ZNF407: variants seen among roughly 807,000 people sequenced by gnomAD.
ZNF407 encodes zinc finger protein 407.
In ZNF407, 17 loss-of-function variants were observed where a neutral mutation model predicts 131.2. The observed-to-expected ratio is 0.13, with a 90% CI of 0.09 to 0.19. The LOEUF is 0.19. Among genes scored for constraint, ZNF407 ranks in the 10% least tolerant of loss-of-function variants. ZNF407 has a pLI of 1.00. For missense variants in ZNF407, 2,681 were observed against 2,830.6 expected, an observed-to-expected ratio of 0.95 and a Z score of 1.20; for synonymous variants, 1,156 against 1,062.0, an observed-to-expected ratio of 1.09 and a Z score of -1.72.
intron 3 of ZNF407, among the ~76,000 whole-genome samples, chr18:74,777,954 T>A (rs768438266): frequency 8.5e-5 from 13 of 152,102 alleles, no homozygotes; most frequent in Non-Finnish European, 1.8e-4. Flanking sequence ...CAGTGGCGCA[T>A]GGCTTCAGTC....
intron 3 of ZNF407, among the ~76,000 whole-genome samples, chr18:74,662,115 G>A (rs1985741808): frequency 6.6e-6 from 1 of 151,794 alleles, no homozygotes; most frequent in African/African-American, 2.4e-5. Context: ...ATTTTTGTGA[G>A]GTATATTTAT....
chr18:75,044,500 T>C (rs997204462), intron 8 of ZNF407, among the ~76,000 whole-genome samples: 2 of 152,138 alleles, frequency 1.3e-5, no homozygotes, highest in African/African-American at 4.8e-5. Context: ...CGTACTGATG[T>C]AGTGTTTGCT....
intron 7 of ZNF407, among the ~76,000 whole-genome samples, chr18:74,908,834 G>A (rs946068256): frequency 8.6e-5 from 13 of 151,914 alleles, no homozygotes; most frequent in South Asian, 2.1e-4. Flanking sequence ...CAACATATAT[G>A]GAGGCTTATA....
intron 4 of ZNF407, among the ~76,000 whole-genome samples, chr18:74,842,617 TGTG>T: frequency 6.6e-6 from 1 of 152,204 alleles, no homozygotes; most frequent in East Asian, 1.9e-4. Context: ...TGTGTGTGTG[TGTG>T]TGTGAGATTC....
At position 75,048,476 on chromosome 18, in the gene ZNF407, T is replaced by C. The variant is rs2122257335; in HGVS notation, c.5429-14674T>C. On this transcript the variant is annotated intron_variant, in intron 8 of 8. Transcript: ENST00000299687. This position sits in a 1 kb window ranked among gnomAD's most constrained non-coding sequence, Gnocchi z 4.1. ...GCCTCCCACGCAGCACCCAGGTGAC[T>C]TCAACCCTCAGGTGTTTGGGACTAC... Among the ~76,000 whole-genome samples, 1 of 152,292 alleles carries C rather than the reference T, an allele frequency of 6.6e-6. No individual in the cohort carries two copies. The highest frequency in any genetic ancestry group is 1.9e-4 in the East Asian group (1 of 5,174).
intron 3 of ZNF407, among the ~76,000 whole-genome samples, chr18:74,755,765 CTTTCTT>C (rs1365829865): frequency 3.3e-5 from 4 of 119,568 alleles, no homozygotes; most frequent in African/African-American, 1.2e-4. Context: ...TTCTTTCTTT[CTTTCTT>C]TCTCTCTCTC....
At chr18:74,676,688 C>T (rs1437920369) in intron 3 of ZNF407, among the ~76,000 whole-genome samples, 3 of 152,114 alleles carry the variant, frequency 2.0e-5, no homozygotes, top group Admixed American at 1.3e-4. Context: ...CCCGCCTTGG[C>T]CTCCCAGAAT....
rs1433729685 is a variant in ZNF407 at position 75,048,952 on chromosome 18, C to G, written c.5429-14198C>G. On this transcript the variant is annotated intron_variant, in intron 8 of 8. Transcript: ENST00000299687. The surrounding 1 kb of genome is among the most constrained non-coding windows in gnomAD (Gnocchi z 4.1). The stretch of plus-strand genomic sequence containing the variant: ...GGCAGGAATGGGCCTGGAGGGGACC[C>G]TTTTGTGGAGTCACCCTTGGCTGGC... 6.6e-6 allele frequency among the ~76,000 whole-genome samples: 1 copy of G among 152,088 alleles called. No individual in the cohort carries two copies. Among genetic ancestry groups the G allele is most frequent in the African/African-American group, 2.4e-5 (1 of 41,416 alleles).
At chr18:74,794,902 C>G (rs982784183) in intron 4 of ZNF407, among the ~76,000 whole-genome samples, 1 of 151,992 alleles carries the variant, frequency 6.6e-6, no homozygotes, top group Non-Finnish European at 1.5e-5. Flanking sequence ...GTTAAATTTC[C>G]TCCCCTTTTA....
intron 8 of ZNF407, among the ~76,000 whole-genome samples, chr18:75,010,671 G>A (rs1201803211): frequency 6.6e-6 from 1 of 152,126 alleles, no homozygotes; most frequent in Non-Finnish European, 1.5e-5. Flanking sequence ...TTACTATATA[G>A]CCATGGTGAA....
intron 8 of ZNF407, among the ~76,000 whole-genome samples, chr18:74,946,781 A>G (rs2145274475): frequency 6.6e-6 from 1 of 152,356 alleles, no homozygotes. Flanking sequence ...ATGACAACAT[A>G]TCTTGGGAAA....
At chr18:74,849,971 G>T (rs1309206243) in intron 4 of ZNF407, among the ~76,000 whole-genome samples, 1 of 152,128 alleles carries the variant, frequency 6.6e-6, no homozygotes, top group Admixed American at 6.5e-5. Flanking sequence ...CCTTTCAGAA[G>T]AAAGCCTTTT....
chr18:74,728,339 G>C (rs1368862568), intron 3 of ZNF407, among the ~76,000 whole-genome samples: 2 of 152,134 alleles, frequency 1.3e-5, no homozygotes, highest in African/African-American at 4.8e-5. Context: ...GAGGGTGTTA[G>C]GTTTGGGCTA....
chr18:74,935,760 T>C (rs537879851), intron 8 of ZNF407, among the ~76,000 whole-genome samples: 2 of 152,236 alleles, frequency 1.3e-5, no homozygotes, highest in African/African-American at 4.8e-5. Context: ...TAGGCAATAA[T>C]GTGTACCAGG....
Position 75,064,709 on chromosome 18 carries a change from C to T in ZNF407, c.*241C>T, listed in dbSNP as rs747388365. On this transcript the variant is annotated 3_prime_UTR_variant, in exon 9 of 9. Transcript: ENST00000299687. Reference sequence around the variant, plus strand: ...GTGCAGGGGAGGGCCGGGCGCAGGCCGCACAGGGAGCTCCGGTCCACTGGG... The same window carrying T: ...GTGCAGGGGAGGGCCGGGCGCAGGCTGCACAGGGAGCTCCGGTCCACTGGG... 79 of 433,410 alleles carry T rather than the reference C, an allele frequency of 1.8e-4. No individual in the cohort carries two copies. The highest frequency in any genetic ancestry group is 3.4e-4 in the Admixed American group (9 of 26,214). 26.8% of individuals were successfully genotyped at this position (433,410 alleles called of 1,614,324 possible). A position where few individuals can be genotyped will look rare whatever the true frequency, so the allele number is the denominator to read the frequency against.
chr18:75,006,941 T>A (rs1330298624), intron 8 of ZNF407, among the ~76,000 whole-genome samples: 1 of 152,186 alleles, frequency 6.6e-6, no homozygotes, highest in Non-Finnish European at 1.5e-5. Context: ...AAGTGAACTT[T>A]ATCTAGAATG....
At chr18:74,957,119 C>T (rs111716873) in intron 8 of ZNF407, among the ~76,000 whole-genome samples, 1 of 152,258 alleles carries the variant, frequency 6.6e-6, no homozygotes, top group Admixed American at 6.5e-5. Flanking sequence ...TAACCTGCAG[C>T]TTTAGGCCCC....
intron 3 of ZNF407, among the ~76,000 whole-genome samples, chr18:74,641,777 C>T (rs1429113324): frequency 3.9e-5 from 6 of 152,102 alleles, no homozygotes; most frequent in Non-Finnish European, 8.8e-5. Context: ...ATTAATTTAG[C>T]AGAAATGTTT....
chr18:75,027,024 T>G (rs1973179365), intron 8 of ZNF407, among the ~76,000 whole-genome samples: 1 of 152,078 alleles, frequency 6.6e-6, no homozygotes, highest in Non-Finnish European at 1.5e-5. Context: ...AGGCCATGAG[T>G]CAAAGAAAGC....
Sources: gnomAD v4.1 joint callset for allele counts (sites outside exome capture counted in the v4.1 genomes callset) on GRCh38, gnomAD v4.1.1 for gene constraint, Gnocchi (gnomAD v3.1) non-coding constraint, MANE v1.5 for transcripts, NCBI Gene and HGNC (gene_info 2026-07-23, HGNC 2026-07-21) for gene names.